TENM3: variants seen among roughly 807,000 people sequenced by gnomAD.
TENM3 encodes the protein teneurin transmembrane protein 3.
In TENM3, 63 loss-of-function variants were observed where a neutral mutation model predicts 255.1. The ratio of observed to expected loss-of-function variants is 0.25; its 90% CI spans 0.20 to 0.30. The LOEUF (loss-of-function observed/expected upper bound fraction) is 0.30, where lower values mean the gene tolerates loss of function less well. Among genes scored for constraint, TENM3 ranks in the 10% least tolerant of loss-of-function variants. The pLI is 1.00. For synonymous variants in TENM3, 1,306 were observed against 1,322.3 expected, an observed-to-expected ratio of 0.99 and a Z score of 0.27; for missense variants, 2,929 against 3,461.1, an observed-to-expected ratio of 0.85 and a Z score of 3.86.
intron 3 of TENM3, among the ~76,000 whole-genome samples, chr4:182,441,872 A>G (rs551926197): frequency 1.3e-4 from 20 of 152,330 alleles, no homozygotes; most frequent in African/African-American, 4.8e-4. Flanking sequence ...ACACTATGCC[A>G]AATGTTAAGA....
At chr4:182,177,958 G>GTT (rs56256529) in intron 1 of TENM3, among the ~76,000 whole-genome samples, 30,267 of 115,840 alleles carry the variant, frequency 0.26, 3,317 homozygotes, top group Non-Finnish European at 0.36. Flanking sequence ...TTTGGTTTTT[G>GTT]TTTTTTTTTT....
At chr4:181,499,187 G>C in the TENM3 span, among the ~76,000 whole-genome samples, 1 of 152,292 alleles carries the variant, frequency 6.6e-6, no homozygotes, top group South Asian at 2.1e-4. Flanking sequence ...CACAGAGGAC[G>C]AACATCTCCC....
chr4:182,786,515 C>G (rs1436918643), intron 24 of TENM3, among the ~76,000 whole-genome samples: 6 of 150,330 alleles, frequency 4.0e-5, no homozygotes, highest in African/African-American at 1.5e-4. Flanking sequence ...CAAGATTGCA[C>G]CACTGCACTC....
At chr4:182,797,896 C>T (rs538733101) in intron 27 of TENM3, among the ~76,000 whole-genome samples, 1 of 152,298 alleles carries the variant, frequency 6.6e-6, no homozygotes, top group East Asian at 1.9e-4. Context: ...GTACCAGTAC[C>T]TGTTTTTTGT....
chr4:181,653,180 C>A, the TENM3 span, among the ~76,000 whole-genome samples: 8 of 152,168 alleles, frequency 5.3e-5, no homozygotes, highest in Non-Finnish European at 1.2e-4. Flanking sequence ...CACATTCAGT[C>A]TAGGCCAGGG....
the TENM3 span, among the ~76,000 whole-genome samples, chr4:181,836,563 A>T: frequency 6.6e-6 from 1 of 152,102 alleles, no homozygotes; most frequent in Admixed American, 6.5e-5. Context: ...TTGATTTCCA[A>T]TACCACCTTG....
chr4:182,346,609 A>G (rs1351206999), intron 2 of TENM3, 42 bp from the exon 3 acceptor site: 7 of 1,536,282 alleles, frequency 4.6e-6, no homozygotes, highest in Middle Eastern at 1.7e-4. Flanking sequence ...CTAACACTGA[A>G]CATATACTCA....
In TENM3 at chr4:182,299,592, G is replaced by A. The variant is rs752261061; in HGVS notation, c.-75-24354G>A. ...GAAATTAGGAAGGAACACTGTCTTT[G>A]AGAAATCTCTAAATTACAGATCTTA... On this transcript the variant is annotated intron_variant, in intron 1 of 27. Transcript: ENST00000511685. Among the ~76,000 whole-genome samples the A allele has an allele frequency of 6.5e-4, 99 of 152,212 alleles. 2 individuals are homozygous for A. Among genetic ancestry groups the A allele is most frequent in the Non-Finnish European group, 2.1e-4 (14 of 68,030 alleles).
rs1394947911 is a variant in TENM3 at position 182,680,287 on chromosome 4, G to A, written c.1577G>A (p.Gly526Glu). 1 of 1,613,734 alleles carries A rather than the reference G, an allele frequency of 6.2e-7. No individual in the cohort carries two copies. The highest frequency in any genetic ancestry group is 8.5e-7 in the Non-Finnish European group (1 of 1,179,864). ...TGTCCCCGAAATTGCCATGGAAATG[G>A]AGAATGCGTTTCTGGAACTTGCCAT... is the stretch of plus-strand genomic sequence containing the variant. Reference protein sequence around the residue: ...VECPRNCHGNGECVSGTCHCF... With the variant: ...VECPRNCHGNEECVSGTCHCF... The change falls in exon 9 of 28, where the codon GGA (glycine) becomes GAA (glutamate). Residue 526 changes from glycine to glutamate, a missense_variant. By Grantham distance (98) the Gly-to-Glu change is moderately conservative. Around this residue, in one of 6 missense-constraint regions of TENM3, gnomAD observed 1,608 missense variants for 1,884.4 expected, o/e 0.85. Coordinates refer to ENST00000511685, the MANE Select transcript of TENM3 (RefSeq NM_001080477.4).
chr4:182,508,000 T>C (rs1177815986), intron 3 of TENM3, among the ~76,000 whole-genome samples: 1 of 152,208 alleles, frequency 6.6e-6, no homozygotes, highest in East Asian at 1.9e-4. Flanking sequence ...TGGTTCATAC[T>C]CAGGCTCTGG....
chr4:182,704,036 T>A (rs1266420163), intron 12 of TENM3, among the ~76,000 whole-genome samples: 5 of 152,212 alleles, frequency 3.3e-5, no homozygotes, highest in East Asian at 1.9e-4. Flanking sequence ...TAGTTTTTTT[T>A]AATTAATGTT....
At chr4:182,673,275 A>G (rs569399692) in intron 7 of TENM3, 56 bp downstream of exon 7, 9 of 1,244,438 alleles carry the variant, frequency 7.2e-6, no homozygotes, top group Non-Finnish European at 1.0e-5. Context: ...ATTTTTTGAA[A>G]TTATTCTCTT....
chr4:182,696,508 C>T (rs982036019), intron 12 of TENM3, among the ~76,000 whole-genome samples: 11 of 152,054 alleles, frequency 7.2e-5, no homozygotes, highest in African/African-American at 2.7e-4. Context: ...GGGTAGATCA[C>T]GAGGTCAGGA....
At chr4:181,922,650 A>G in the TENM3 span, among the ~76,000 whole-genome samples, 2 of 151,978 alleles carry the variant, frequency 1.3e-5, no homozygotes, top group African/African-American at 2.4e-5. Context: ...TCTTGCTAGC[A>G]GTCTATCAAT....
At chr4:181,578,507 G>A in the TENM3 span, among the ~76,000 whole-genome samples, 1 of 152,202 alleles carries the variant, frequency 6.6e-6, no homozygotes, top group Admixed American at 6.5e-5. Flanking sequence ...GCCCGCTGCG[G>A]AGAGGCACTG....
the TENM3 span, among the ~76,000 whole-genome samples, chr4:181,774,788 T>C: frequency 1.1e-5 from 1 of 94,404 alleles, no homozygotes; most frequent in Non-Finnish European, 2.0e-5. Context: ...CATTTCTTCA[T>C]GTGTTTTTTG....
chr4:182,703,698 T>C (rs1265200382), intron 12 of TENM3, among the ~76,000 whole-genome samples: 1 of 152,218 alleles, frequency 6.6e-6, no homozygotes, highest in Non-Finnish European at 1.5e-5. Context: ...CCTAGGTAAG[T>C]TAAAAGGATT....
At chr4:182,662,487 A>G (rs907684037) in intron 6 of TENM3, among the ~76,000 whole-genome samples, 2 of 152,108 alleles carry the variant, frequency 1.3e-5, no homozygotes, top group African/African-American at 4.8e-5. Context: ...ACTACAGGGC[A>G]CTCTGTTGCC....
chr4:181,637,457 A>G, the TENM3 span, among the ~76,000 whole-genome samples: 8 of 152,194 alleles, frequency 5.3e-5, no homozygotes, highest in Non-Finnish European at 1.0e-4. Context: ...CGTCACTTCT[A>G]TGCACATGAC....
Sources: gnomAD v4.1 joint callset for allele counts (sites outside exome capture counted in the v4.1 genomes callset) on GRCh38, gnomAD v4.1.1 for gene constraint, gnomAD v4.1.1 regional missense constraint, MANE v1.5 for transcripts, NCBI Gene and HGNC (gene_info 2026-07-23, HGNC 2026-07-21) for gene names.